The following ROBO2 variants were observed in gnomAD, a reference collection of about 807,000 sequenced individuals.
ROBO2 encodes roundabout guidance receptor 2.
ROBO2 carries 53 observed loss-of-function variants against 160.8 expected under a neutral mutation model. The observed-to-expected ratio is 0.33, with a 90% confidence interval of 0.26 to 0.41. The LOEUF (loss-of-function observed/expected upper bound fraction) is 0.41. Ranked by LOEUF, ROBO2 falls within the 10% of genes least tolerant of loss-of-function variation. ROBO2 has a pLI of 1.00. For missense variants in ROBO2, 1,577 were observed against 1,722.4 expected (o/e 0.92, Z 1.49); for synonymous variants, 664 against 611.7 (o/e 1.09, Z -1.26).
intron 2 of ROBO2, among the ~76,000 whole-genome samples, chr3:76,355,042 GTA>G (rs1388145211): frequency 6.6e-6 from 1 of 151,344 alleles, no homozygotes; most frequent in African/African-American, 2.4e-5. Flanking sequence ...ATGTGTATGT[GTA>G]TGTGTGTGTG....
chr3:76,464,837 T>C (rs1356275718), intron 2 of ROBO2, among the ~76,000 whole-genome samples: 2 of 152,154 alleles, frequency 1.3e-5, no homozygotes, highest in African/African-American at 4.8e-5. Flanking sequence ...TTTAGGCCTT[T>C]TGAAATATTA....
chr3:76,759,206 TAAA>T (rs561230079), intron 2 of ROBO2, among the ~76,000 whole-genome samples: 1 of 151,772 alleles, frequency 6.6e-6, no homozygotes, highest in African/African-American at 2.4e-5. Flanking sequence ...TCAAAGCTAA[TAAA>T]AAGGAATATT....
chr3:76,788,614 A>C (rs1295264243), intron 2 of ROBO2, among the ~76,000 whole-genome samples: 1 of 151,594 alleles, frequency 6.6e-6, no homozygotes, highest in Non-Finnish European at 1.5e-5. Flanking sequence ...ATTGACAGGA[A>C]AGTTATTACT....
chr3:77,431,524 T>A (rs1466124832), intron 2 of ROBO2, among the ~76,000 whole-genome samples: 1 of 152,206 alleles, frequency 6.6e-6, no homozygotes, highest in African/African-American at 2.4e-5. Flanking sequence ...TCTTTTCAGC[T>A]TTTAGTGATG....
At chr3:77,026,397 A>C (rs997590880) in intron 2 of ROBO2, among the ~76,000 whole-genome samples, 3 of 152,236 alleles carry the variant, frequency 2.0e-5, no homozygotes, top group Non-Finnish European at 4.4e-5. Context: ...CACTGGCCCC[A>C]GAGAACAGCT....
Position 76,670,628 on chromosome 3 carries a change from A to G in ROBO2, c.110-427386A>G, listed in dbSNP as rs186476716. ...CTGTAAGGAGCATGAAAGGGTGACT[A>G]TCTCTGTCTTGCTCACCATTGTACA... On this transcript the variant is annotated intron_variant, in intron 2 of 26. Coordinates refer to the ROBO2 transcript ENST00000487694. Among the ~76,000 whole-genome samples, 40 of 152,206 alleles carry G rather than the reference A, an allele frequency of 2.6e-4. No individual in the cohort carries two copies. In the East Asian group the frequency reaches 6.4e-3, roughly 24 times the overall value.
At position 77,150,858 on chromosome 3, in the gene ROBO2, A is replaced by G. The variant is rs370703915; in HGVS notation, c.388+52518A>G. ...GGATGTGATTCTATGACAGAATGTT[A>G]TAGGGAAGGAAAATTATTTGGAAAC... On this transcript the variant is annotated intron_variant, in intron 2 of 25. Transcript: ENST00000461745. Among the ~76,000 whole-genome samples, 523 of 152,266 alleles carry G rather than the reference A, an allele frequency of 3.4e-3. 2 individuals are homozygous for G. The highest frequency in any genetic ancestry group is 0.011 in the South Asian group (53 of 4,830).
chr3:76,783,904 C>T (rs1431903412), intron 2 of ROBO2, among the ~76,000 whole-genome samples: 1 of 150,974 alleles, frequency 6.6e-6, no homozygotes, highest in Non-Finnish European at 1.5e-5. Context: ...TTTCTTTACT[C>T]TTTTTTATTC....
At chr3:76,765,797 G>A (rs1010750000) in intron 2 of ROBO2, among the ~76,000 whole-genome samples, 2 of 151,638 alleles carry the variant, frequency 1.3e-5, no homozygotes, top group Non-Finnish European at 3.0e-5. Flanking sequence ...GACACTCCAG[G>A]TGCAAACTAT....
intron 2 of ROBO2, among the ~76,000 whole-genome samples, chr3:76,390,351 A>G (rs1233265743): frequency 6.6e-6 from 1 of 152,142 alleles, no homozygotes; most frequent in Non-Finnish European, 1.5e-5. Context: ...TAATAACTAT[A>G]TATATAAACT....
intron 2 of ROBO2, among the ~76,000 whole-genome samples, chr3:76,379,900 A>G (rs1021035403): frequency 7.2e-5 from 11 of 152,166 alleles, no homozygotes; most frequent in African/African-American, 2.7e-4. Flanking sequence ...TTTAAAGACA[A>G]TGATTATTAC....
chr3:76,672,423 C>G (rs2092293869), intron 2 of ROBO2, among the ~76,000 whole-genome samples: 1 of 152,064 alleles, frequency 6.6e-6, no homozygotes, highest in South Asian at 2.1e-4. Context: ...AAACAAAGTC[C>G]TATTTACTTT....
At position 76,798,892 on chromosome 3, in the gene ROBO2, A is replaced by AAACAAC. The variant is rs60526472; in HGVS notation, c.110-299101_110-299096dup. Among the ~76,000 whole-genome samples the AAACAAC allele has an allele frequency of 5.9e-3, 881 of 150,122 alleles. 10 individuals are homozygous for AAACAAC. Among genetic ancestry groups the AAACAAC allele is most frequent in the African/African-American group, 0.017 (697 of 40,544 alleles). ...TGGGTGACAGAGTGAGACCTTTTCT[A>AAACAAC]AACAACAACAACAACAACAACAACA... On this transcript the variant is annotated intron_variant, in intron 2 of 26. Coordinates refer to the ROBO2 transcript ENST00000487694.
At chr3:76,372,695 T>G (rs2076163225) in intron 2 of ROBO2, among the ~76,000 whole-genome samples, 1 of 151,908 alleles carries the variant, frequency 6.6e-6, no homozygotes. Context: ...TTGGTCGTCA[T>G]GGGAGTGGGA....
chr3:76,188,598 T>G (rs1381441102), intron 2 of ROBO2, among the ~76,000 whole-genome samples: 1 of 152,088 alleles, frequency 6.6e-6, no homozygotes, highest in Admixed American at 6.6e-5. Context: ...CCACTGAGTT[T>G]GTGGTACTTT....
chr3:77,479,004 A>T lies in ROBO2; in HGVS notation c.546+1433A>T, dbSNP rs558538187. Among the ~76,000 whole-genome samples, 14 of 152,342 alleles carry T rather than the reference A, an allele frequency of 9.2e-5. No individual in the cohort carries two copies. The South Asian group carries it at 2.1e-3, about 23-fold the overall frequency. ...AGTGCAAGGGAATCACACAAAGTAT[A>T]AAACTCAAAGAAAGGCTAGATGGTT... On this transcript the variant is annotated intron_variant, in intron 3 of 25. Transcript: ENST00000461745.
chr3:76,784,751 G>T (rs1345496908), intron 2 of ROBO2, among the ~76,000 whole-genome samples: 2 of 151,150 alleles, frequency 1.3e-5, no homozygotes, highest in Non-Finnish European at 3.0e-5. Flanking sequence ...GTGGCCAATT[G>T]TTGAGATTCA....
At chr3:77,622,424 C>T in exon 23 of ROBO2, 1 of 1,614,036 alleles carries the variant, frequency 6.2e-7, no homozygotes, top group Non-Finnish European at 8.5e-7. Context: ...CTAGACAGCT[C>T]TGTGACAGGT....
chr3:77,581,198 AT>A (rs1324156096), intron 16 of ROBO2, among the ~76,000 whole-genome samples: 2 of 152,124 alleles, frequency 1.3e-5, no homozygotes, highest in Non-Finnish European at 2.9e-5. Flanking sequence ...AGTAGGAGTT[AT>A]TTGTACATTC....
Sources: allele counts gnomAD v4.1 joint callset (sites outside exome capture counted in the v4.1 genomes callset), GRCh38; gene constraint gnomAD v4.1.1; transcripts MANE v1.5; gene names NCBI Gene and HGNC (gene_info 2026-07-23, HGNC 2026-07-21).